Variants in ELAVL1 observed in about 807,000 individuals in gnomAD.
The protein encoded by ELAVL1 is ELAV like RNA binding protein 1.
ELAVL1 carries 1 observed loss-of-function variant against 28.4 expected under a neutral mutation model. The ratio of observed to expected loss-of-function variants is 0.04; its 90% CI spans 0.01 to 0.17. The LOEUF (loss-of-function observed/expected upper bound fraction) is 0.17. ELAVL1 is among the 10% of genes least tolerant of loss of function. ELAVL1 has a pLI of 1.00. For synonymous variants in ELAVL1, 174 were observed against 183.5 expected (o/e 0.95, Z 0.42); for missense variants, 157 against 447.2 (o/e 0.35, Z 5.85).
intron 5 of ELAVL1, among the ~76,000 whole-genome samples, chr19:7,966,622 ATTCAT>A (rs1297602943): frequency 6.6e-6 from 1 of 152,064 alleles, no homozygotes; most frequent in Admixed American, 6.5e-5. Flanking sequence ...GACGTTCATT[ATTCAT>A]TTATTTTTTA....
chr19:7,972,617 CT>C (rs144565509), intron 4 of ELAVL1, among the ~76,000 whole-genome samples: 3 of 146,330 alleles, frequency 2.1e-5, no homozygotes, highest in African/African-American at 5.0e-5. Flanking sequence ...GTGCAGCAGC[CT>C]TTTTTTTTCT....
Position 7,981,239 on chromosome 19 carries a change from A to T in ELAVL1, c.173-53T>A. 1 of 1,584,940 alleles carries T rather than the reference A, an allele frequency of 6.3e-7. No homozygotes were observed. Among genetic ancestry groups the T allele is most frequent in the Non-Finnish European group, 8.7e-7 (1 of 1,153,682 alleles). ...TAAGCCAACCGTCTGCGAGTGAGGG[A>T]CAGGGAGGTCGGGAAGCACTATATC... On this transcript the variant is annotated intron_variant, in intron 2 of 5. Transcript: ENST00000407627. This position sits in a 1 kb window ranked among gnomAD's most constrained non-coding sequence, Gnocchi z 4.2.
At position 7,961,113 on chromosome 19, in the gene ELAVL1, C is replaced by A. The variant is rs918201593; in HGVS notation, c.*2370G>T. On this transcript the variant is annotated 3_prime_UTR_variant, in exon 6 of 6. Coordinates refer to ENST00000407627, the MANE Select transcript of ELAVL1 (RefSeq NM_001419.3). ...CAAAGGCTCATATACTTCACAGTTT[C>A]TTCTCACCTGTCCCAGCATCAGAAT... 1.3e-5 allele frequency: 2 copies of A among 152,260 alleles called. No homozygotes were observed. The highest frequency in any genetic ancestry group is 1.5e-5 in the Non-Finnish European group (1 of 68,058). 9.4% of individuals were successfully genotyped at this position (152,260 alleles called of 1,614,324 possible).
At chr19:8,001,520 T>A (rs766445693) in intron 1 of ELAVL1, among the ~76,000 whole-genome samples, 10 of 152,212 alleles carry the variant, frequency 6.6e-5, no homozygotes, top group Non-Finnish European at 1.0e-4. Context: ...CTCCCCTTCC[T>A]TGAGTCTGCC....
intron 2 of ELAVL1, among the ~76,000 whole-genome samples, chr19:7,987,115 C>CT (rs1985624304): frequency 1.8e-3 from 3 of 1,682 alleles, no homozygotes; most frequent in African/African-American, 0.011. Flanking sequence ...CCGGGGGGTG[C>CT]CGGGGGGGGG....
At chr19:7,992,326 C>G (rs2145223434) in intron 1 of ELAVL1, among the ~76,000 whole-genome samples, 1 of 152,308 alleles carries the variant, frequency 6.6e-6, no homozygotes, top group East Asian at 1.9e-4. Flanking sequence ...CGGCTTCACT[C>G]ATAATTGCCA....
intron 2 of ELAVL1, among the ~76,000 whole-genome samples, chr19:7,983,453 C>T (rs1047892024): frequency 6.6e-6 from 1 of 152,168 alleles, no homozygotes; most frequent in Non-Finnish European, 1.5e-5. Flanking sequence ...CTGGACACCA[C>T]GGGAGGGACT....
rs920786236 is a variant in ELAVL1, at chr19:7,958,647, C to T, written c.*4836G>A. Reference sequence around the variant, plus strand: ...CATAGTTAACATACAGCGTTTAACACGAACCTGATACCTGTAGAAAGAACT... The same window carrying T: ...CATAGTTAACATACAGCGTTTAACATGAACCTGATACCTGTAGAAAGAACT... On this transcript the variant is annotated 3_prime_UTR_variant, in exon 6 of 6. Coordinates refer to ENST00000407627, the MANE Select transcript of ELAVL1 (RefSeq NM_001419.3). The T allele has an allele frequency of 2.3e-4, 35 of 152,208 alleles. No individual in the cohort carries two copies. The highest frequency in any genetic ancestry group is 1.6e-3 in the Admixed American group (25 of 15,274). 9.4% of individuals were successfully genotyped at this position (152,208 alleles called of 1,614,324 possible). A position where few individuals can be genotyped will look rare whatever the true frequency, so the allele number is the denominator to read the frequency against.
chr19:7,983,527 T>A (rs1254576272), intron 2 of ELAVL1, among the ~76,000 whole-genome samples: 1 of 152,156 alleles, frequency 6.6e-6, no homozygotes, highest in Non-Finnish European at 1.5e-5. Flanking sequence ...GTGATATGGA[T>A]TCTTGACCAC....
At position 7,963,029 on chromosome 19, in the gene ELAVL1, G is replaced by A. The variant is rs570470011; in HGVS notation, c.*454C>T. ...CTTCCTGTCAACCAAAGCATACATC[G>A]CTTACAATGTTGAAGCGGTTGAGAA... On this transcript the variant is annotated 3_prime_UTR_variant, in exon 6 of 6. Coordinates refer to ENST00000407627, the MANE Select transcript of ELAVL1 (RefSeq NM_001419.3). The surrounding 1 kb of genome is among the most constrained non-coding windows in gnomAD (Gnocchi z 4.5). 2.3e-4 allele frequency: 37 copies of A among 159,308 alleles called. No individual in the cohort carries two copies. The South Asian group carries it at 5.3e-3, about 23-fold the overall frequency. 9.9% of individuals were successfully genotyped at this position (159,308 alleles called of 1,614,324 possible).
chr19:7,999,729 C>G (rs1192158983), intron 1 of ELAVL1, among the ~76,000 whole-genome samples: 1 of 152,000 alleles, frequency 6.6e-6, no homozygotes, highest in Admixed American at 6.6e-5. Flanking sequence ...ACTGCAGGTG[C>G]GTGTCACTAC....
intron 1 of ELAVL1, among the ~76,000 whole-genome samples, chr19:7,993,793 C>T (rs1004681630): frequency 5.3e-5 from 8 of 152,130 alleles, no homozygotes; most frequent in Non-Finnish European, 7.4e-5. Context: ...CCAGTGCCCA[C>T]GGTCATGCGC....
chr19:7,959,655 G>A lies in ELAVL1; in HGVS notation c.*3828C>T, dbSNP rs1984751186. ...TTAGAGGTCAGGGGAAATCAAAAAGGTTTGGAAATGTGAACCCTGCCTGGG... is the reference window on the plus strand; with the variant it reads ...TTAGAGGTCAGGGGAAATCAAAAAGATTTGGAAATGTGAACCCTGCCTGGG... On this transcript the variant is annotated 3_prime_UTR_variant, in exon 6 of 6. Transcript: ENST00000407627. 1 of 152,216 alleles carries A rather than the reference G, an allele frequency of 6.6e-6. No individual in the cohort carries two copies. The highest frequency in any genetic ancestry group is 1.5e-5 in the Non-Finnish European group (1 of 68,050). 9.4% of individuals were successfully genotyped at this position (152,216 alleles called of 1,614,324 possible). A position where few individuals can be genotyped will look rare whatever the true frequency, so the allele number is the denominator to read the frequency against.
At chr19:8,004,632 T>G (rs1156884627) in intron 1 of ELAVL1, among the ~76,000 whole-genome samples, 1 of 152,174 alleles carries the variant, frequency 6.6e-6, no homozygotes, top group African/African-American at 2.4e-5. Context: ...CGAGAAACCC[T>G]GCTCTAGACA....
At position 7,963,893 on chromosome 19, in the gene ELAVL1, C is replaced by T. The variant is rs903806540; in HGVS notation, c.657-86G>A. On this transcript the variant is annotated intron_variant, in intron 5 of 5. Transcript: ENST00000407627. This position sits in a 1 kb window ranked among gnomAD's most constrained non-coding sequence, Gnocchi z 4.5. ...AGGCCTGGACGCATGCTGACCATGG[C>T]CGCTGGGCCCCATCCCGCTCTGCGC... 2.4e-5 allele frequency: 35 copies of T among 1,434,644 alleles called. No individual in the cohort carries two copies. The highest frequency in any genetic ancestry group is 3.3e-5 in the Non-Finnish European group (35 of 1,066,892). 88.9% of individuals were successfully genotyped at this position (1,434,644 alleles called of 1,614,324 possible). A position where few individuals can be genotyped will look rare whatever the true frequency, so the allele number is the denominator to read the frequency against.
At chr19:7,986,631 A>G (rs1014391052) in intron 2 of ELAVL1, among the ~76,000 whole-genome samples, 1 of 152,226 alleles carries the variant, frequency 6.6e-6, no homozygotes, top group African/African-American at 2.4e-5. Flanking sequence ...CTGCCGCTTC[A>G]CCGGCAGGAA....
At chr19:7,978,650 T>C (rs1985369644) in intron 3 of ELAVL1, among the ~76,000 whole-genome samples, 1 of 152,036 alleles carries the variant, frequency 6.6e-6, no homozygotes. Flanking sequence ...TCATCAGAAG[T>C]GTGAGTTCCA....
chr19:7,963,936 G>A lies in ELAVL1; in HGVS notation c.657-129C>T, dbSNP rs995710015. The A allele has an allele frequency of 2.2e-5, 22 of 1,020,672 alleles. No individual in the cohort carries two copies. The highest frequency in any genetic ancestry group is 2.9e-5 in the Non-Finnish European group (21 of 715,688). 63.2% of individuals were successfully genotyped at this position (1,020,672 alleles called of 1,614,324 possible). The stretch of plus-strand genomic sequence containing the variant: ...CTCTGCGCAGCCACGAGGTGCTCAC[G>A]GTTGAGACACCTGCATGGGTCAAAA... On this transcript the variant is annotated intron_variant, in intron 5 of 5. Transcript: ENST00000407627. The surrounding 1 kb of genome is among the most constrained non-coding windows in gnomAD (Gnocchi z 4.5).
intron 1 of ELAVL1, among the ~76,000 whole-genome samples, chr19:7,992,073 T>C (rs1985767598): frequency 1.3e-5 from 2 of 152,094 alleles, no homozygotes; most frequent in Admixed American, 6.6e-5. Flanking sequence ...CCTGAGTAGC[T>C]GGGATTACAG....
Sources: allele counts gnomAD v4.1 joint callset (sites outside exome capture counted in the v4.1 genomes callset), GRCh38; gene constraint gnomAD v4.1.1; non-coding constraint Gnocchi (gnomAD v3.1); transcripts MANE v1.5; gene names NCBI Gene and HGNC (gene_info 2026-07-23, HGNC 2026-07-21).